Variants in CTIF observed in about 807,000 individuals in gnomAD.
CTIF encodes cap binding complex dependent translation initiation factor.
A neutral mutation model predicts 66.0 loss-of-function variants in CTIF; 21 were observed. That is an observed-to-expected ratio of 0.32 (90% CI 0.23 to 0.46). CTIF has a LOEUF of 0.46. Ranked by LOEUF, CTIF falls within the 20% of genes least tolerant of loss-of-function variation. The pLI is 1.00. For missense variants in CTIF, 739 were observed against 812.7 expected, an observed-to-expected ratio of 0.91 and a Z score of 1.10; for synonymous variants, 345 against 326.4, an observed-to-expected ratio of 1.06 and a Z score of -0.62.
Position 48,615,500 on chromosome 18 carries a change from C to T in CTIF, c.-28-4038C>T, listed in dbSNP as rs371059144. ...CGAGAGTTCCTGGAGGAGCTGAAAT[C>T]CCTGGGAGAGAGTGAAAAGGAGGGG... is the stretch of plus-strand genomic sequence containing the variant. On this transcript the variant is annotated intron_variant, in intron 1 of 11. Transcript: ENST00000256413. Among the ~76,000 whole-genome samples the T allele has an allele frequency of 4.5e-4, 68 of 152,320 alleles. No homozygotes were observed. The South Asian group carries it at 7.0e-3, about 16-fold the overall frequency.
chr18:48,669,520 A>G (rs1485883618), intron 5 of CTIF, among the ~76,000 whole-genome samples: 1 of 151,892 alleles, frequency 6.6e-6, no homozygotes, highest in Non-Finnish European at 1.5e-5. Flanking sequence ...AGTAATTTGC[A>G]TGAGGCTGGG....
chr18:48,662,063 G>C (rs1378158870), intron 3 of CTIF: 3 of 152,246 alleles, frequency 2.0e-5, no homozygotes, highest in African/African-American at 7.2e-5. Context: ...CTCTGCTACT[G>C]TAAGTCACCC....
intron 10 of CTIF, among the ~76,000 whole-genome samples, chr18:48,848,028 G>C (rs1257061541): frequency 3.3e-5 from 5 of 152,306 alleles, no homozygotes; most frequent in Admixed American, 3.3e-4. Context: ...TGGGCCAGCT[G>C]TCCCGGAGGG....
chr18:48,844,448 G>A (rs554825373), intron 10 of CTIF, among the ~76,000 whole-genome samples: 239 of 152,332 alleles, frequency 1.6e-3, no homozygotes, highest in Non-Finnish European at 2.9e-3. Context: ...TCCAGCCCCC[G>A]GGCCAGCTGT....
intron 9 of CTIF, among the ~76,000 whole-genome samples, chr18:48,808,152 C>A (rs1281927340): frequency 6.6e-6 from 1 of 152,106 alleles, no homozygotes; most frequent in Non-Finnish European, 1.5e-5. Context: ...TTGACAATTA[C>A]CATTTTAAGT....
At chr18:48,724,039 T>C (rs1314138579) in intron 7 of CTIF, among the ~76,000 whole-genome samples, 1 of 152,230 alleles carries the variant, frequency 6.6e-6, no homozygotes, top group Non-Finnish European at 1.5e-5. Flanking sequence ...AGTTGTCCCC[T>C]GGGTGCTTGG....
chr18:48,613,501 G>A (rs2090346215), intron 1 of CTIF, among the ~76,000 whole-genome samples: 3 of 152,142 alleles, frequency 2.0e-5, no homozygotes, highest in African/African-American at 7.2e-5. Context: ...CGTCTAGGGT[G>A]GGGAGGGGAC....
At chr18:48,672,841 G>A (rs1337768651) in intron 6 of CTIF, among the ~76,000 whole-genome samples, 1 of 152,162 alleles carries the variant, frequency 6.6e-6, no homozygotes, top group African/African-American at 2.4e-5. Context: ...GCAGGCAGGA[G>A]GCTTTGTGAT....
At chr18:48,661,456 C>T (rs922306540) in intron 3 of CTIF, among the ~76,000 whole-genome samples, 1 of 152,140 alleles carries the variant, frequency 6.6e-6, no homozygotes, top group Admixed American at 6.5e-5. Flanking sequence ...TAATTACATT[C>T]GAGGCCCAGG....
rs1057050956 is a variant in CTIF, at chr18:48,790,719, C to T, written c.1372-26502C>T. Among the ~76,000 whole-genome samples, 15 of 152,202 alleles carry T rather than the reference C, an allele frequency of 9.9e-5. 1 individual carries two copies. The highest frequency in any genetic ancestry group is 3.1e-4 in the African/African-American group (13 of 41,458). On this transcript the variant is annotated intron_variant, in intron 9 of 11. Transcript: ENST00000256413. ...ACAGGCCAGGGATTTCAGAGGAACG[C>T]GGCCAAGTCTAGCTCTGAAGTTCCC... is the stretch of plus-strand genomic sequence containing the variant.
At chr18:48,825,660 T>A (rs2068568859) in intron 10 of CTIF, among the ~76,000 whole-genome samples, 1 of 152,098 alleles carries the variant, frequency 6.6e-6, no homozygotes, top group Admixed American at 6.5e-5. Context: ...GGCATTCAGC[T>A]ACCCAGCAGA....
At chr18:48,568,657 A>AG in intron 1 of CTIF, among the ~76,000 whole-genome samples, 2 of 144,764 alleles carry the variant, frequency 1.4e-5, no homozygotes, top group Non-Finnish European at 3.0e-5. Context: ...AAAAAAAAAA[A>AG]AAAAAAAAAA....
chr18:48,613,578 T>G (rs1435746430), intron 1 of CTIF, among the ~76,000 whole-genome samples: 1 of 152,198 alleles, frequency 6.6e-6, no homozygotes, highest in East Asian at 1.9e-4. Flanking sequence ...TCCTTAAAAA[T>G]AGCCAGGCTA....
Position 48,739,959 on chromosome 18 carries a change from T to C in CTIF, c.585-17960T>C, listed in dbSNP as rs552735079. On this transcript the variant is annotated intron_variant, in intron 7 of 11. Coordinates refer to ENST00000256413, the MANE Select transcript of CTIF (RefSeq NM_014772.3). ...GGGTCTACCAGGCTATTGCATTTAA[T>C]AAACTCTTAAGAGCATGTCTCCTGT... Among the ~76,000 whole-genome samples, 3 of 152,364 alleles carry C rather than the reference T, an allele frequency of 2.0e-5. No homozygotes were observed. In the East Asian group the frequency reaches 5.8e-4, roughly 29 times the overall value.
chr18:48,849,559 T>C (rs1192973970), intron 10 of CTIF, among the ~76,000 whole-genome samples: 1 of 151,344 alleles, frequency 6.6e-6, no homozygotes, highest in Non-Finnish European at 1.5e-5. Flanking sequence ...CATATAACAT[T>C]ATGTAAAGCT....
At chr18:48,637,571 A>T (rs575214319) in intron 3 of CTIF, among the ~76,000 whole-genome samples, 19 of 152,242 alleles carry the variant, frequency 1.2e-4, no homozygotes, top group African/African-American at 4.1e-4. Flanking sequence ...GCTCATGTTC[A>T]GCTTCAGTCC....
chr18:48,730,846 CCCCGCAGCATGAGGGGCCT>C (rs1464352054), intron 7 of CTIF, among the ~76,000 whole-genome samples: 1 of 150,690 alleles, frequency 6.6e-6, no homozygotes, highest in Admixed American at 6.6e-5. Flanking sequence ...TGTGAGGGAC[CCCCGCAGCATGAGGGGCCT>C]CCCGCAGTGT....
chr18:48,699,685 G>A (rs1405387738), intron 6 of CTIF, among the ~76,000 whole-genome samples: 3 of 152,172 alleles, frequency 2.0e-5, no homozygotes, highest in Non-Finnish European at 4.4e-5. Context: ...CACATGCAGC[G>A]GGGCATTCTT....
intron 2 of CTIF, among the ~76,000 whole-genome samples, chr18:48,623,484 A>T (rs903338269): frequency 6.6e-6 from 1 of 151,982 alleles, no homozygotes; most frequent in African/African-American, 2.4e-5. Flanking sequence ...CTTTTTAAAA[A>T]AATTCTCTAT....
Sources: gnomAD v4.1 joint callset for allele counts (sites outside exome capture counted in the v4.1 genomes callset) on GRCh38, gnomAD v4.1.1 for gene constraint, MANE v1.5 for transcripts, NCBI Gene and HGNC (gene_info 2026-07-23, HGNC 2026-07-21) for gene names.